Variants in AMHR2 observed in about 807,000 individuals in gnomAD.
AMHR2 encodes anti-Muellerian hormone type-2 receptor.
Under a neutral mutation model 61.4 loss-of-function variants are expected in AMHR2, and 36 were observed. The observed-to-expected ratio is 0.59, with a 90% CI of 0.45 to 0.77. The LOEUF (loss-of-function observed/expected upper bound fraction) is 0.77, where lower values mean the gene tolerates loss of function less well. Among genes scored for constraint, AMHR2 ranks in the 30% least tolerant of loss-of-function variants. AMHR2 has a pLI of 0.00. For missense variants in AMHR2, 638 were observed against 714.6 expected, an observed-to-expected ratio of 0.89 and a Z score of 1.22; for synonymous variants, 258 against 279.4, an observed-to-expected ratio of 0.92 and a Z score of 0.76.
chr12:53,431,426 C>A lies in AMHR2; in HGVS notation c.1675C>A (p.Pro559Thr), dbSNP rs1341735024. 1 of 1,614,076 alleles carries A rather than the reference C, an allele frequency of 6.2e-7. No individual in the cohort carries two copies. Among genetic ancestry groups the A allele is most frequent in the Non-Finnish European group, 8.5e-7 (1 of 1,180,050 alleles). ...CTGCCACTTCAGCGTTCAGCAAGGC[C>A]CTTGTTCCAGGAATCCTCAGCCTGC... ...SACHFSVQQG[P>T]CSRNPQPACT... Residue 559 changes from proline (P) to threonine (T), a missense_variant, in exon 11 of 11, where the codon CCT becomes ACT. Pro to Thr is a conservative substitution (Grantham distance 38). Coordinates refer to ENST00000257863, the MANE Select transcript of AMHR2 (RefSeq NM_020547.3).
At chr12:53,430,390 C>T (rs1435827099) in intron 10 of AMHR2, 108 bp downstream of exon 10, 1 of 1,556,376 alleles carries the variant, frequency 6.4e-7, no homozygotes, top group Non-Finnish European at 8.8e-7. Flanking sequence ...CCACTTATCT[C>T]CCATCACTCC....
intron 3 of AMHR2, 90 bp downstream of exon 3, chr12:53,424,990 C>T (rs1000365987): frequency 1.2e-5 from 18 of 1,549,798 alleles, no homozygotes; most frequent in South Asian, 6.7e-5. Context: ...ACCCTACTCC[C>T]GCCCCACGCT....
intron 6 of AMHR2, among the ~76,000 whole-genome samples, chr12:53,426,510 CT>C (rs1213916298): frequency 6.6e-6 from 1 of 151,402 alleles, no homozygotes; most frequent in Non-Finnish European, 1.5e-5. Flanking sequence ...GTGGTCCCAG[CT>C]ACTTGGGAGG....
chr12:53,425,850 C>G lies in AMHR2; in HGVS notation c.783C>G (p.Ile261Met). ...AGCACGACCACATTGTCCGATTTATCACTGCCAGCCGGGGGGGTCCTGGCC... is the reference window on the plus strand; with the variant it reads ...AGCACGACCACATTGTCCGATTTATGACTGCCAGCCGGGGGGGTCCTGGCC... The part of the protein sequence containing the change: ...GLQHDHIVRF[I>M]TASRGGPGRL... Residue 261 changes from isoleucine (I) to methionine (M), a missense_variant, in exon 6 of 11, where the codon ATC becomes ATG. Ile to Met is a conservative substitution (Grantham distance 10). Transcript: ENST00000257863. 2 of 1,614,112 alleles carry G rather than the reference C, an allele frequency of 1.2e-6. No homozygotes were observed. Among genetic ancestry groups the G allele is most frequent in the Non-Finnish European group, 1.7e-6 (2 of 1,180,010 alleles).
intron 2 of AMHR2, 45 bp from the exon 3 acceptor site, chr12:53,424,664 C>G: frequency 3.8e-6 from 6 of 1,592,324 alleles, no homozygotes; most frequent in Non-Finnish European, 5.2e-6. Context: ...TGCTTTCTTC[C>G]TTGCCCCCCC....
chr12:53,428,862 T>C, intron 6 of AMHR2, 34 bp from the exon 7 acceptor site: 1 of 1,485,774 alleles, frequency 6.7e-7, no homozygotes, highest in Non-Finnish European at 9.2e-7. Flanking sequence ...TCTCCAGCTT[T>C]GTGTACCATC....
rs1487566880 is a variant in AMHR2, at chr12:53,429,845, G to A, written c.1155G>A (p.Arg385=). ...PAAIMEAGTQ[R]YMAPELLDKT... ...TTGCTCTCCAGGCTGGCACCCAGAGGTACATGGCACCAGAGCTCTTGGACA... is the reference window on the plus strand; with the variant it reads ...TTGCTCTCCAGGCTGGCACCCAGAGATACATGGCACCAGAGCTCTTGGACA... Residue 385 remains arginine, a synonymous_variant, in exon 9 of 11, where the codon AGG becomes AGA. Coordinates refer to ENST00000257863, the MANE Select transcript of AMHR2 (RefSeq NM_020547.3). The A allele has an allele frequency of 1.9e-6, 3 of 1,614,084 alleles. No individual in the cohort carries two copies. The highest frequency in any genetic ancestry group is 2.5e-6 in the Non-Finnish European group (3 of 1,180,040).
intron 6 of AMHR2, among the ~76,000 whole-genome samples, chr12:53,428,493 T>A (rs539086433): frequency 7.3e-4 from 111 of 152,288 alleles, no homozygotes; most frequent in Non-Finnish European, 1.2e-3. Flanking sequence ...TGGTTATTAG[T>A]AAGTGATCCT....
intron 10 of AMHR2, 24 bp from the exon 11 acceptor site, chr12:53,431,153 C>G: frequency 4.3e-6 from 7 of 1,613,456 alleles, no homozygotes; most frequent in Non-Finnish European, 5.9e-6. Context: ...AGGGTCAACC[C>G]TTCCTCCCTG....
rs757385870 is a variant in AMHR2 at position 53,430,268 on chromosome 12, C to G, written c.1411C>G (p.Arg471Gly). ...GCGTCCCTACATCCCATCCACCTGG[C>G]GCTGCTTTGCCACAGTAAGAGGCCT... The part of the protein sequence containing the change: ...RRRPYIPSTW[R>G]CFATDPDGLR... The change falls in exon 10 of 11, where the codon CGC becomes GGC. Residue 471 changes from arginine to glycine, a missense_variant. Coordinates refer to ENST00000257863, the MANE Select transcript of AMHR2 (RefSeq NM_020547.3). 1 of 1,614,066 alleles carries G rather than the reference C, an allele frequency of 6.2e-7. No homozygotes were observed. Among genetic ancestry groups the G allele is most frequent in the Non-Finnish European group, 8.5e-7 (1 of 1,180,046 alleles).
intron 7 of AMHR2, 111 bp downstream of exon 7, chr12:53,429,121 G>T: frequency 9.7e-7 from 1 of 1,030,854 alleles, no homozygotes; most frequent in South Asian, 1.4e-5. Context: ...AGCCGGGCAC[G>T]GTGGCTCACG....
intron 7 of AMHR2, 79 bp downstream of exon 7, chr12:53,429,089 T>G: frequency 7.4e-7 from 1 of 1,343,706 alleles, no homozygotes; most frequent in Non-Finnish European, 1.0e-6. Context: ...AGGGGAAAGA[T>G]TGGGTCAAAA....
At position 53,424,451 on chromosome 12, in the gene AMHR2, G is replaced by A. The variant is rs1939351847; in HGVS notation, c.213G>A (p.Arg71=). The A allele has an allele frequency of 1.2e-6, 2 of 1,613,202 alleles. No homozygotes were observed. Among genetic ancestry groups the A allele is most frequent in the South Asian group, 1.1e-5 (1 of 90,982 alleles). ...CFGIWNLTQD[R]AQVEMQGCRD... ...GGATCTGGAACCTGACCCAAGACCG[G>A]GCACAGGTGGAAATGCAAGGTGAAT... The change falls in exon 2 of 11, where the codon CGG becomes CGA. Residue 71 remains arginine, a synonymous_variant. Coordinates refer to ENST00000257863, the MANE Select transcript of AMHR2 (RefSeq NM_020547.3).
rs769498766 is a variant in AMHR2 at position 53,424,330 on chromosome 12, G to C, written c.92G>C (p.Gly31Ala). The C allele has an allele frequency of 3.7e-6, 6 of 1,612,922 alleles. No homozygotes were observed. Among genetic ancestry groups the C allele is most frequent in the Non-Finnish European group, 5.1e-6 (6 of 1,180,042 alleles). Residue 31 changes from glycine to alanine, a missense_variant, in exon 2 of 11, where the codon GGA becomes GCA. By Grantham distance (60) the Gly-to-Ala change is moderately conservative (BLOSUM62 0). Transcript: ENST00000257863. ...ACCTGTGTGTTCTTTGAGGCCCCTG[G>C]AGTGCGGGGAAGCACAAAGACACTG... ...RRTCVFFEAP[G>A]VRGSTKTLGE...
At chr12:53,430,013 T>C (rs766744243) in intron 9 of AMHR2, 35 bp downstream of exon 9, 2 of 1,613,706 alleles carry the variant, frequency 1.2e-6, no homozygotes, top group Non-Finnish European at 1.7e-6. Flanking sequence ...TCTCCTGGGC[T>C]CCCCCCCGCC....
intron 3 of AMHR2, 64 bp from the exon 4 acceptor site, chr12:53,425,101 G>A (rs1592591860): frequency 1.2e-6 from 2 of 1,608,892 alleles, no homozygotes; most frequent in East Asian, 2.2e-5. Context: ...CTCTCAGGAG[G>A]GGAAGAGCAG....
intron 8 of AMHR2, 58 bp from the exon 9 acceptor site, chr12:53,429,773 T>G: frequency 6.2e-7 from 1 of 1,612,354 alleles, no homozygotes; most frequent in South Asian, 1.1e-5. Flanking sequence ...CATGGACCAT[T>G]GCTGCAATGA....
intron 6 of AMHR2, among the ~76,000 whole-genome samples, chr12:53,426,362 G>A (rs545448390): frequency 2.0e-5 from 3 of 147,744 alleles, no homozygotes; most frequent in Admixed American, 6.7e-5. Flanking sequence ...GGTGGCAGAC[G>A]CCTGTAATCC....
In AMHR2 at chr12:53,429,957, C is replaced by A; in HGVS notation, c.1267C>A (p.Arg423Ser). 6.2e-7 allele frequency: 1 copy of A among 1,614,186 alleles called. No homozygotes were observed. Among genetic ancestry groups the A allele is most frequent in the South Asian group, 1.1e-5 (1 of 91,084 alleles). ...TCTGCTCCTGTGGGAGATACTGAGC[C>A]GCTGCCCAGATTTGAGGCCTGGTAA... ...LALLLWEILS[R>S]CPDLRPDSSP... is the part of the protein sequence containing the mutation. The change falls in exon 9 of 11, where the codon CGC (arginine) becomes AGC (serine). Residue 423 changes from arginine (R) to serine (S), a missense_variant. By Grantham distance (110) the Arg-to-Ser change is moderately radical (BLOSUM62 -1). Transcript: ENST00000257863.
Sources: allele counts gnomAD v4.1 joint callset (sites outside exome capture counted in the v4.1 genomes callset), GRCh38; gene constraint gnomAD v4.1.1; transcripts MANE v1.5; gene names NCBI Gene and HGNC (gene_info 2026-07-23, HGNC 2026-07-21).